The following CFAP77 variants were observed in gnomAD, a reference collection of about 807,000 sequenced individuals.
CFAP77 encodes the protein cilia- and flagella-associated protein 77.
CFAP77 carries 25 observed loss-of-function variants against 31.1 expected under a neutral mutation model. That is an observed-to-expected ratio of 0.80 (90% confidence interval 0.59 to 1.12). CFAP77 has a LOEUF of 1.12. Ranked by LOEUF, CFAP77 falls within the 50% of genes most tolerant of loss-of-function variation. CFAP77 has a pLI of 0.00. For synonymous variants in CFAP77, 151 were observed against 159.9 expected (o/e 0.94, Z 0.42); for missense variants, 377 against 397.3 (o/e 0.95, Z 0.44).
intron 1 of CFAP77, among the ~76,000 whole-genome samples, chr9:132,484,145 C>G (rs954254514): frequency 7.2e-5 from 11 of 152,010 alleles, no homozygotes; most frequent in African/African-American, 2.7e-4. Flanking sequence ...TCCATGTTGG[C>G]CAGGCTGGTC....
At chr9:132,470,231 C>T (rs1234080992) in intron 1 of CFAP77, among the ~76,000 whole-genome samples, 2 of 152,178 alleles carry the variant, frequency 1.3e-5, no homozygotes, top group Admixed American at 6.5e-5. Flanking sequence ...AACACTTATG[C>T]GCCAAGTCCA....
intron 1 of CFAP77, among the ~76,000 whole-genome samples, chr9:132,446,284 C>T (rs143389716): frequency 1.3e-5 from 2 of 152,232 alleles, no homozygotes; most frequent in East Asian, 3.9e-4. Flanking sequence ...AACCCTGATC[C>T]TGGAGCCCAA....
rs1397924680 is a variant in CFAP77, at chr9:132,529,274, G to A, written c.525-8327G>A. ...TTGCAAGAACAAAAAACCAAACACC[G>A]CATATTCTCACTCATAGGTGGGAAT... On this transcript the variant is annotated intron_variant, in intron 3 of 5. Transcript: ENST00000393216. Among the ~76,000 whole-genome samples, 10 of 123,190 alleles carry A rather than the reference G, an allele frequency of 8.1e-5. No homozygotes were observed. In the South Asian group the frequency reaches 2.2e-3, roughly 27 times the overall value. 80.8% of individuals were successfully genotyped at this position (123,190 alleles called of 152,430 possible).
Position 132,511,851 on chromosome 9 carries a change from C to T in CFAP77, c.524+12251C>T, listed in dbSNP as rs1004350323. Among the ~76,000 whole-genome samples, 37 of 152,132 alleles carry T rather than the reference C, an allele frequency of 2.4e-4. No homozygotes were observed. The highest frequency in any genetic ancestry group is 4.3e-4 in the Non-Finnish European group (29 of 67,998). On this transcript the variant is annotated intron_variant, in intron 3 of 5. Coordinates refer to ENST00000393216, the MANE Select transcript of CFAP77 (RefSeq NM_001282957.2). The surrounding 1 kb of genome is among the most constrained non-coding windows in gnomAD (Gnocchi z 5.8). The stretch of plus-strand genomic sequence containing the variant: ...CGGGCGGATCACGAGGTCAGGAGTT[C>T]GACACCAGCCTGACCAATATGGTGA...
At chr9:132,413,843 T>C (rs566227839) in intron 1 of CFAP77, among the ~76,000 whole-genome samples, 4 of 152,330 alleles carry the variant, frequency 2.6e-5, no homozygotes, top group African/African-American at 9.6e-5. Flanking sequence ...TTTCATAATT[T>C]ATTATTGACT....
chr9:132,477,427 T>C (rs879798817), intron 1 of CFAP77, among the ~76,000 whole-genome samples: 1 of 152,218 alleles, frequency 6.6e-6, no homozygotes, highest in Non-Finnish European at 1.5e-5. Context: ...AAGAGAAAGA[T>C]GATGACCCAA....
chr9:132,564,760 G>A lies in CFAP77; in HGVS notation c.733-7628G>A, dbSNP rs1829864097. On this transcript the variant is annotated intron_variant, in intron 5 of 5. Coordinates refer to ENST00000393216, the MANE Select transcript of CFAP77 (RefSeq NM_001282957.2). The surrounding 1 kb of genome is among the most constrained non-coding windows in gnomAD (Gnocchi z 4.6). ...GTACAATTAAGGATATCAATCAAATGAAAAGTTGGTTCATTGCAAGTGGAT... is the reference window on the plus strand; with the variant it reads ...GTACAATTAAGGATATCAATCAAATAAAAAGTTGGTTCATTGCAAGTGGAT... 1.3e-5 allele frequency among the ~76,000 whole-genome samples: 2 copies of A among 152,224 alleles called. No individual in the cohort carries two copies. The highest frequency in any genetic ancestry group is 1.3e-4 in the Admixed American group (2 of 15,288).
intron 1 of CFAP77, among the ~76,000 whole-genome samples, chr9:132,446,548 T>G (rs866093154): frequency 2.0e-5 from 3 of 151,808 alleles, no homozygotes; most frequent in South Asian, 2.1e-4. Flanking sequence ...AGACCATCCT[T>G]GCTAACATGG....
chr9:132,414,356 G>A (rs560106418), intron 1 of CFAP77, among the ~76,000 whole-genome samples: 2 of 152,288 alleles, frequency 1.3e-5, no homozygotes, highest in South Asian at 4.1e-4. Flanking sequence ...AATTTCACAG[G>A]AGTTAACCAT....
At chr9:132,459,641 ATGTATGTG>A (rs747960330) in intron 1 of CFAP77, among the ~76,000 whole-genome samples, 16 of 149,870 alleles carry the variant, frequency 1.1e-4, no homozygotes, top group Non-Finnish European at 2.1e-4. Flanking sequence ...ATACATGTGT[ATGTATGTG>A]TGTATATGTC....
In CFAP77 at chr9:132,511,390, GAGAGGCCACCCTGTGTGGCCA is replaced by G. The variant is rs887618447; in HGVS notation, c.524+11791_524+11811del. Among the ~76,000 whole-genome samples, 9 of 152,160 alleles carry G rather than the reference GAGAGGCCACCCTGTGTGGCCA, an allele frequency of 5.9e-5. No homozygotes were observed. Among genetic ancestry groups the G allele is most frequent in the Non-Finnish European group, 1.2e-4 (8 of 68,018 alleles). ...CAGACACTCCTGTGTCTCTTGCCTG[GAGAGGCCACCCTGTGTGGCCA>G]CTGCCTGCAGACCTGAGCATCTCCC... On this transcript the variant is annotated intron_variant, in intron 3 of 5. Coordinates refer to ENST00000393216, the MANE Select transcript of CFAP77 (RefSeq NM_001282957.2). This position sits in a 1 kb window ranked among gnomAD's most constrained non-coding sequence, Gnocchi z 5.8.
At chr9:132,536,972 T>C (rs1852554657) in intron 3 of CFAP77, among the ~76,000 whole-genome samples, 1 of 152,120 alleles carries the variant, frequency 6.6e-6, no homozygotes, top group South Asian at 2.1e-4. Context: ...GAAATCGTTG[T>C]CAAAGGGAAC....
At chr9:132,418,866 T>G (rs1850159315) in intron 1 of CFAP77, among the ~76,000 whole-genome samples, 3 of 152,220 alleles carry the variant, frequency 2.0e-5, no homozygotes, top group African/African-American at 7.2e-5. Flanking sequence ...TAATCTAAGA[T>G]TTAAAACAAA....
chr9:132,478,026 T>C (rs1851379786), intron 1 of CFAP77, among the ~76,000 whole-genome samples: 2 of 152,176 alleles, frequency 1.3e-5, no homozygotes, highest in Admixed American at 6.5e-5. Flanking sequence ...TGGTGGAATT[T>C]TTTTTTCCTT....
chr9:132,489,371 G>A (rs539143803), intron 1 of CFAP77, among the ~76,000 whole-genome samples: 73 of 152,274 alleles, frequency 4.8e-4, no homozygotes, highest in Admixed American at 1.8e-3. Flanking sequence ...GGCGTGGCTG[G>A]GAGTTAAGCT....
intron 1 of CFAP77, among the ~76,000 whole-genome samples, chr9:132,432,137 G>A (rs1218206041): frequency 1.3e-5 from 2 of 152,258 alleles, no homozygotes; most frequent in East Asian, 1.9e-4. Flanking sequence ...CTGGAAACAC[G>A]GAGCCCAGGA....
Position 132,430,808 on chromosome 9 carries a change from TA to T in CFAP77, c.195+20353del, listed in dbSNP as rs530107314. ...ACATTTATATACTCCAGATAAAACG[TA>T]AAAAAAAAAAGAAGATGCTAGGAAG... On this transcript the variant is annotated intron_variant, in intron 1 of 5. Transcript: ENST00000393216. Among the ~76,000 whole-genome samples, 528 of 142,822 alleles carry T rather than the reference TA, an allele frequency of 3.7e-3. 1 individual carries two copies. The highest frequency in any genetic ancestry group is 5.5e-3 in the Non-Finnish European group (359 of 64,916). The allele number at this position is 142,822 out of a possible 152,430, so 93.7% of individuals were successfully genotyped here.
chr9:132,548,908 G>T (rs1852779441), intron 5 of CFAP77, among the ~76,000 whole-genome samples: 1 of 152,170 alleles, frequency 6.6e-6, no homozygotes, highest in African/African-American at 2.4e-5. Flanking sequence ...AAGCTTTTGT[G>T]CTCTGAACGC....
chr9:132,458,343 G>GTGGGGGCT (rs71791194), intron 1 of CFAP77, among the ~76,000 whole-genome samples: 1 of 102,636 alleles, frequency 9.7e-6, no homozygotes, highest in Non-Finnish European at 2.1e-5. Flanking sequence ...TCTCCCTGGC[G>GTGGGGGCT]GGGGAGGGGG....
Sources: gnomAD v4.1 joint callset for allele counts (sites outside exome capture counted in the v4.1 genomes callset) on GRCh38, gnomAD v4.1.1 for gene constraint, Gnocchi (gnomAD v3.1) non-coding constraint, MANE v1.5 for transcripts, NCBI Gene and HGNC (gene_info 2026-07-23, HGNC 2026-07-21) for gene names.